Variants in PARD3 observed in about 807,000 individuals in gnomAD.
PARD3 encodes partitioning defective 3 homolog.
In PARD3, 75 loss-of-function variants were observed where a neutral mutation model predicts 155.4. The ratio of observed to expected loss-of-function variants is 0.48; its 90% CI spans 0.40 to 0.58. PARD3 has a LOEUF of 0.58. PARD3 is among the 20% of genes least tolerant of loss of function. The pLI is 0.00. For missense variants in PARD3, 1,642 were observed against 1,721.7 expected (o/e 0.95, Z 0.82); for synonymous variants, 576 against 610.5 (o/e 0.94, Z 0.83).
chr10:34,572,699 A>C (rs1031953354), intron 2 of PARD3, among the ~76,000 whole-genome samples: 1 of 151,778 alleles, frequency 6.6e-6, no homozygotes, highest in Non-Finnish European at 1.5e-5. Context: ...TGAACCATTA[A>C]GTAGTGACTA....
At chr10:34,734,589 C>T (rs2094880066) in intron 1 of PARD3, among the ~76,000 whole-genome samples, 1 of 151,906 alleles carries the variant, frequency 6.6e-6, no homozygotes, top group South Asian at 2.1e-4. Flanking sequence ...CCGCCCACCT[C>T]GGCCCATATG....
intron 14 of PARD3, among the ~76,000 whole-genome samples, chr10:34,351,313 T>G (rs1365105278): frequency 6.6e-6 from 1 of 152,216 alleles, no homozygotes; most frequent in East Asian, 1.9e-4. Context: ...ACTGGTGGAA[T>G]AATTAGATTA....
intron 16 of PARD3, among the ~76,000 whole-genome samples, chr10:34,340,835 A>T (rs1163968205): frequency 6.6e-6 from 1 of 152,188 alleles, no homozygotes; most frequent in Non-Finnish European, 1.5e-5. Context: ...AAGGAACAAC[A>T]CCATAACATT....
intron 20 of PARD3, chr10:34,312,296 AAAC>A (rs1377191150): frequency 2.1e-5 from 33 of 1,605,982 alleles, no homozygotes; most frequent in South Asian, 8.9e-5. Context: ...TGTTTAAAAA[AAAC>A]AACAACTGTG....
At chr10:34,132,810 G>A (rs146359578) in intron 22 of PARD3, among the ~76,000 whole-genome samples, 77 of 152,036 alleles carry the variant, frequency 5.1e-4, no homozygotes, top group Admixed American at 3.7e-3. Flanking sequence ...GGCCCACCAC[G>A]CCCCCCTATC....
At position 34,428,517 on chromosome 10, in the gene PARD3, T is replaced by C. The variant is rs1027672066; in HGVS notation, c.714+21800A>G. Among the ~76,000 whole-genome samples the C allele has an allele frequency of 6.6e-5, 10 of 152,152 alleles. No homozygotes were observed. In the East Asian group the frequency reaches 7.7e-4, roughly 12 times the overall value. On this transcript the variant is annotated intron_variant, in intron 5 of 24. Transcript: ENST00000374788. ...AAAAAGAGGCCTAAAATTATATAAA[T>C]TGTCTTTATTTCAAACATTTAAATT...
intron 23 of PARD3, among the ~76,000 whole-genome samples, chr10:34,125,388 G>A (rs1048984062): frequency 6.6e-6 from 1 of 152,266 alleles, no homozygotes; most frequent in South Asian, 2.1e-4. Flanking sequence ...TCTATGCGAG[G>A]TGATTTCCAC....
chr10:34,343,931 T>G, intron 15 of PARD3: 1 of 980,816 alleles, frequency 1.0e-6, no homozygotes, highest in Non-Finnish European at 1.2e-6. Context: ...ACACCACACA[T>G]GATACTAGAG....
intron 2 of PARD3, among the ~76,000 whole-genome samples, chr10:34,622,271 A>T (rs951573839): frequency 1.4e-4 from 21 of 152,220 alleles, no homozygotes; most frequent in African/African-American, 4.8e-4. Context: ...ATTTGTTCAG[A>T]TTTATACATT....
At chr10:34,809,523 C>T (rs963091843) in intron 1 of PARD3, among the ~76,000 whole-genome samples, 1 of 152,188 alleles carries the variant, frequency 6.6e-6, no homozygotes, top group Non-Finnish European at 1.5e-5. Context: ...TGGGCTAAGA[C>T]TCACGAATGA....
At chr10:34,355,469 G>A (rs1342644551) in intron 14 of PARD3, among the ~76,000 whole-genome samples, 3 of 152,178 alleles carry the variant, frequency 2.0e-5, no homozygotes, top group Non-Finnish European at 4.4e-5. Context: ...TGTGAATTAG[G>A]TGCCCATAAG....
At chr10:34,196,029 G>T (rs1472236760) in intron 22 of PARD3, among the ~76,000 whole-genome samples, 1 of 152,192 alleles carries the variant, frequency 6.6e-6, no homozygotes, top group African/African-American at 2.4e-5. Flanking sequence ...AGCTATAATA[G>T]AATTGGTTTA....
chr10:34,700,562 A>G (rs1166264088), intron 1 of PARD3, among the ~76,000 whole-genome samples: 1 of 152,200 alleles, frequency 6.6e-6, no homozygotes, highest in Non-Finnish European at 1.5e-5. Context: ...ACTTAAGACC[A>G]GAAAAAGATC....
intron 22 of PARD3, among the ~76,000 whole-genome samples, chr10:34,149,607 G>A (rs1388257605): frequency 6.6e-6 from 1 of 152,142 alleles, no homozygotes; most frequent in Non-Finnish European, 1.5e-5. Context: ...ACAATTTAAT[G>A]CCAGAGAAGG....
chr10:34,197,884 C>CA (rs1564474275), intron 22 of PARD3, among the ~76,000 whole-genome samples: 1 of 152,196 alleles, frequency 6.6e-6, no homozygotes, highest in Non-Finnish European at 1.5e-5. Context: ...CGCACGCCAC[C>CA]ACGCCCAGCT....
intron 22 of PARD3, among the ~76,000 whole-genome samples, chr10:34,201,030 A>C (rs1951186071): frequency 6.6e-6 from 1 of 152,144 alleles, no homozygotes; most frequent in East Asian, 1.9e-4. Context: ...GCACCTGCCA[A>C]ATTATCTTTA....
intron 1 of PARD3, among the ~76,000 whole-genome samples, chr10:34,785,615 T>C (rs1840861806): frequency 6.6e-6 from 1 of 151,986 alleles, no homozygotes; most frequent in African/African-American, 2.4e-5. Flanking sequence ...TGCATGCCTG[T>C]AGTCCCAGCT....
intron 5 of PARD3, among the ~76,000 whole-genome samples, chr10:34,436,679 C>T (rs560046204): frequency 2.0e-5 from 3 of 152,100 alleles, no homozygotes; most frequent in Non-Finnish European, 2.9e-5. Context: ...ATTTATGCAA[C>T]AGCAAAGGAT....
intron 2 of PARD3, among the ~76,000 whole-genome samples, chr10:34,523,977 T>C (rs1416618805): frequency 5.9e-5 from 9 of 152,202 alleles, no homozygotes; most frequent in Admixed American, 5.9e-4. Context: ...ATCAAGTATT[T>C]GAGTTTCTGA....
Sources: allele counts gnomAD v4.1 joint callset (sites outside exome capture counted in the v4.1 genomes callset), GRCh38; gene constraint gnomAD v4.1.1; transcripts MANE v1.5; gene names NCBI Gene and HGNC (gene_info 2026-07-23, HGNC 2026-07-21).